The following CDH23 variants were observed in gnomAD, a reference collection of about 807,000 sequenced individuals.
CDH23 encodes cadherin-23.
Under a neutral mutation model 317.1 loss-of-function variants are expected in CDH23, and 189 were observed. The ratio of observed to expected loss-of-function variants is 0.60; its 90% confidence interval spans 0.53 to 0.67. The LOEUF (loss-of-function observed/expected upper bound fraction) is 0.67, where lower values mean the gene tolerates loss of function less well. Among genes scored for constraint, CDH23 ranks in the 30% least tolerant of loss-of-function variants. The probability of loss-of-function intolerance (pLI) is 0.00; values close to 1 mark genes in which losing one functional copy is unlikely to be tolerated. For synonymous variants in CDH23, 1,839 were observed against 1,876.8 expected, an observed-to-expected ratio of 0.98 and a Z score of 0.52; for missense variants, 4,401 against 4,592.4, an observed-to-expected ratio of 0.96 and a Z score of 1.20.
chr10:71,743,727 C>T (rs951916536), intron 38 of CDH23, among the ~76,000 whole-genome samples: 1 of 152,236 alleles, frequency 6.6e-6, no homozygotes, highest in African/African-American at 2.4e-5. Flanking sequence ...CACTTGGCTT[C>T]AGGGTGGATC....
chr10:71,651,629 G>T (rs1406642337), intron 14 of CDH23, among the ~76,000 whole-genome samples: 1 of 151,964 alleles, frequency 6.6e-6, no homozygotes, highest in African/African-American at 2.4e-5. Flanking sequence ...GAGGACGTGT[G>T]TGATGTGTGG....
intron 48 of CDH23, among the ~76,000 whole-genome samples, chr10:71,795,210 T>C (rs1207787672): frequency 6.6e-6 from 1 of 152,044 alleles, no homozygotes; most frequent in Non-Finnish European, 1.5e-5. Context: ...AGTATGGGAA[T>C]GAAAGGGAGT....
intron 3 of CDH23, among the ~76,000 whole-genome samples, chr10:71,482,497 T>C (rs1490505817): frequency 6.6e-6 from 1 of 152,212 alleles, no homozygotes; most frequent in East Asian, 1.9e-4. Context: ...TCCTGTTCTC[T>C]AGGCCATAGT....
Position 71,734,270 on chromosome 10 carries a change from C to G in CDH23, c.4135C>G (p.Arg1379Gly), listed in dbSNP as rs763502163. The G allele has an allele frequency of 1.2e-6, 2 of 1,612,012 alleles. No individual in the cohort carries two copies. Among genetic ancestry groups the G allele is most frequent in the Non-Finnish European group, 1.7e-6 (2 of 1,179,176 alleles). The change falls in exon 33 of 70, where the codon CGT (arginine) becomes GGT (glycine). Residue 1379 changes from arginine (R) to glycine (G), a missense_variant. By Grantham distance (125) the Arg-to-Gly change is moderately radical. This residue lies in a region of CDH23 where 3,068 missense variants were observed against 3,203.3 expected (regional missense o/e 0.96). Transcript: ENST00000224721. ...GATCACAGTCCAGGGCCTGGTGGAC[C>G]GTGAGAAGGGCGACTTCTATACCTT... ...GVITVQGLVD[R>G]EKGDFYTLTV...
intron 26 of CDH23, chr10:71,707,423 T>A: frequency 7.8e-7 from 1 of 1,286,056 alleles, no homozygotes; most frequent in Non-Finnish European, 9.9e-7. Context: ...TGTGGCCTCA[T>A]CCTTCCTTGG....
chr10:71,506,038 A>G (rs1853615244), intron 3 of CDH23, among the ~76,000 whole-genome samples: 1 of 152,264 alleles, frequency 6.6e-6, no homozygotes, highest in Admixed American at 6.5e-5. Context: ...ACACAAGGGA[A>G]TATTATTCAG....
intron 9 of CDH23, among the ~76,000 whole-genome samples, chr10:71,609,558 A>G (rs530069377): frequency 3.9e-5 from 6 of 152,270 alleles, no homozygotes; most frequent in East Asian, 3.9e-4. Context: ...TCTCTGCTCT[A>G]TCTGACCCTG....
intron 3 of CDH23, among the ~76,000 whole-genome samples, chr10:71,503,252 G>A (rs770984877): frequency 2.0e-4 from 30 of 152,210 alleles, no homozygotes; most frequent in Non-Finnish European, 3.4e-4. Flanking sequence ...CCCAGGATGG[G>A]GTACAGGGCC....
chr10:71,558,875 G>C (rs1856992551), intron 6 of CDH23, among the ~76,000 whole-genome samples: 1 of 152,218 alleles, frequency 6.6e-6, no homozygotes, highest in Non-Finnish European at 1.5e-5. Context: ...ACTGAAGAGG[G>C]ATGGGATTGG....
intron 27 of CDH23, 105 bp downstream of exon 27, chr10:71,709,316 G>A: frequency 1.0e-6 from 1 of 991,938 alleles, no homozygotes; most frequent in Non-Finnish European, 1.5e-6. Context: ...CTGCCCAGAT[G>A]CCAGTGGAGA....
rs756463059 is a variant in CDH23 at position 71,566,765 on chromosome 10, C to G, written c.453C>G (p.Ile151Met). Residue 151 changes from isoleucine to methionine, a missense_variant, in exon 7 of 70, where the codon ATC becomes ATG. Ile to Met is a conservative substitution (Grantham distance 10, BLOSUM62 1). Transcript: ENST00000224721. Reference protein sequence around the residue: ...IPENTPVGTPIFIVNATDPDL... With the variant: ...IPENTPVGTPMFIVNATDPDL... ...AGAATACACCAGTGGGGACGCCCAT[C>G]TTCATCGTGAATGCCACAGACCCCG... The G allele has an allele frequency of 6.2e-7, 1 of 1,608,872 alleles. No individual in the cohort carries two copies. The highest frequency in any genetic ancestry group is 8.5e-7 in the Non-Finnish European group (1 of 1,176,024).
chr10:71,544,574 T>A (rs943998401), intron 6 of CDH23, among the ~76,000 whole-genome samples: 12 of 152,104 alleles, frequency 7.9e-5, no homozygotes, highest in African/African-American at 2.7e-4. Context: ...TGGCAGAGGG[T>A]TAACCGGTTA....
intron 38 of CDH23, among the ~76,000 whole-genome samples, chr10:71,746,910 T>A (rs1564772074): frequency 6.6e-6 from 1 of 152,220 alleles, no homozygotes; most frequent in African/African-American, 2.4e-5. Flanking sequence ...CTGGGGACAC[T>A]GCTCTTGGCA....
intron 14 of CDH23, chr10:71,647,660 G>C (rs928699984): frequency 6.6e-6 from 1 of 152,176 alleles, no homozygotes; most frequent in Non-Finnish European, 1.5e-5. Context: ...GATTCTCATC[G>C]GCCCAGTTGG....
intron 34 of CDH23, among the ~76,000 whole-genome samples, chr10:71,735,472 G>T (rs997031373): frequency 6.6e-6 from 1 of 152,092 alleles, no homozygotes; most frequent in African/African-American, 2.4e-5. Context: ...ACCTGAGAGA[G>T]GTCCATGGGA....
chr10:71,776,827 AG>A (rs1467703409), intron 38 of CDH23, among the ~76,000 whole-genome samples: 58 of 152,232 alleles, frequency 3.8e-4, no homozygotes, highest in Non-Finnish European at 6.9e-4. Context: ...ATCTTCAGCC[AG>A]GGCCTCCCAT....
chr10:71,606,415 C>CGTGGGCCCTAGTGCAGCT (rs1860528857), intron 9 of CDH23, among the ~76,000 whole-genome samples: 1 of 152,176 alleles, frequency 6.6e-6, no homozygotes, highest in Admixed American at 6.5e-5. Context: ...GATCCCTCCT[C>CGTGGGCCCTAGTGCAGCT]GTGGGCCCTA....
At chr10:71,674,994 G>A in intron 14 of CDH23, 118 bp from the exon 15 acceptor site, 1 of 872,276 alleles carries the variant, frequency 1.1e-6, no homozygotes. Context: ...ACTGGGGTCT[G>A]GGCCTCAGAA....
chr10:71,648,758 T>A (rs1316430862), intron 14 of CDH23, among the ~76,000 whole-genome samples: 2 of 152,144 alleles, frequency 1.3e-5, no homozygotes, highest in Non-Finnish European at 2.9e-5. Flanking sequence ...CTCAGCCTCC[T>A]CTGTGAGTCG....
Sources: allele counts gnomAD v4.1 joint callset (sites outside exome capture counted in the v4.1 genomes callset), GRCh38; gene constraint gnomAD v4.1.1; regional missense constraint gnomAD v4.1.1; transcripts MANE v1.5; gene names NCBI Gene and HGNC (gene_info 2026-07-23, HGNC 2026-07-21).